The following AGBL4 variants were observed in gnomAD, a reference collection of about 807,000 sequenced individuals.
The protein encoded by AGBL4 is AGBL carboxypeptidase 4, also known as cytosolic carboxypeptidase 6.
In AGBL4, 58 loss-of-function variants were observed where a neutral mutation model predicts 66.4. The observed-to-expected ratio is 0.87, with a 90% CI of 0.71 to 1.09. The LOEUF (loss-of-function observed/expected upper bound fraction) is 1.09. Among genes scored for constraint, AGBL4 ranks in the 50% least tolerant of loss-of-function variants. The pLI is 0.00. For synonymous variants in AGBL4, 234 were observed against 222.9 expected, an observed-to-expected ratio of 1.05 and a Z score of -0.44; for missense variants, 579 against 631.0, an observed-to-expected ratio of 0.92 and a Z score of 0.88.
intron 3 of AGBL4, among the ~76,000 whole-genome samples, chr1:49,598,915 G>C (rs567913318): frequency 1.3e-5 from 2 of 152,238 alleles, no homozygotes; most frequent in East Asian, 3.9e-4. Flanking sequence ...ATTGATTTGC[G>C]TACGTTGAAC....
intron 4 of AGBL4, among the ~76,000 whole-genome samples, chr1:49,116,786 G>A (rs1645533466): frequency 6.6e-6 from 1 of 152,132 alleles, no homozygotes; most frequent in Non-Finnish European, 1.5e-5. Flanking sequence ...GATACTTGAG[G>A]GATCGGCACA....
chr1:49,497,917 A>T (rs1647757557), intron 3 of AGBL4, among the ~76,000 whole-genome samples: 1 of 152,000 alleles, frequency 6.6e-6, no homozygotes, highest in South Asian at 2.1e-4. Context: ...GTAAAATGTC[A>T]TTAGAATTTT....
At chr1:49,742,784 A>G (rs567650383) in intron 2 of AGBL4, among the ~76,000 whole-genome samples, 69 of 152,330 alleles carry the variant, frequency 4.5e-4, no homozygotes, top group African/African-American at 1.2e-3. Flanking sequence ...CAAACCTGAC[A>G]AAAACAAGAA....
intron 4 of AGBL4, among the ~76,000 whole-genome samples, chr1:49,219,424 TGA>T (rs1465918574): frequency 2.0e-5 from 3 of 152,154 alleles, no homozygotes; most frequent in Non-Finnish European, 4.4e-5. Context: ...AGAAAATATC[TGA>T]GTTTTGCCAC....
intron 1 of AGBL4, among the ~76,000 whole-genome samples, chr1:49,921,251 A>G (rs1652205925): frequency 6.6e-6 from 1 of 152,160 alleles, no homozygotes; most frequent in Non-Finnish European, 1.5e-5. Context: ...TTTAAAAAAA[A>G]GAAAAAAAAA....
intron 3 of AGBL4, among the ~76,000 whole-genome samples, chr1:49,552,057 A>G (rs987112204): frequency 6.6e-6 from 1 of 152,024 alleles, no homozygotes; most frequent in Non-Finnish European, 1.5e-5. Flanking sequence ...TGCCTCTGCT[A>G]AGTCATGCAG....
At chr1:49,655,739 C>G (rs1646113228) in intron 3 of AGBL4, among the ~76,000 whole-genome samples, 1 of 152,138 alleles carries the variant, frequency 6.6e-6, no homozygotes, top group Non-Finnish European at 1.5e-5. Flanking sequence ...TACAAAATCT[C>G]TTCAAAAAAT....
intron 2 of AGBL4, among the ~76,000 whole-genome samples, chr1:49,745,097 C>A (rs1389220025): frequency 6.6e-6 from 1 of 151,912 alleles, no homozygotes; most frequent in African/African-American, 2.4e-5. Flanking sequence ...ATTAAGCACT[C>A]CAATTAAAAG....
rs1644036968 is a variant in AGBL4 at position 48,539,881 on chromosome 1, T to C, written c.1268-143A>G. On this transcript the variant is annotated intron_variant, in intron 11 of 13. Transcript: ENST00000371839. ...TTTTTGTATGCGCTGTCTTTTTTGA[T>C]CCTTGAAAAACCTTAAATGGTAATC... 5 of 502,030 alleles carry C rather than the reference T, an allele frequency of 1.0e-5. No individual in the cohort carries two copies. The East Asian group carries it at 1.7e-4, about 17-fold the overall frequency. The allele number at this position is 502,030 out of a possible 1,614,324, so 31.1% of individuals were successfully genotyped here.
chr1:49,731,538 T>C (rs1476891081), intron 2 of AGBL4, among the ~76,000 whole-genome samples: 2 of 152,148 alleles, frequency 1.3e-5, no homozygotes, highest in Non-Finnish European at 2.9e-5. Context: ...TTTAAATACG[T>C]TAAATCTCAA....
chr1:49,661,694 A>G (rs1646272605), intron 3 of AGBL4, among the ~76,000 whole-genome samples: 1 of 152,128 alleles, frequency 6.6e-6, no homozygotes, highest in African/African-American at 2.4e-5. Context: ...AGACACGCAC[A>G]TCTATCAAGT....
At chr1:48,935,489 G>A (rs180994780) in intron 5 of AGBL4, among the ~76,000 whole-genome samples, 123 of 152,228 alleles carry the variant, frequency 8.1e-4, no homozygotes, top group African/African-American at 2.9e-3. Flanking sequence ...CTAGAGTTCA[G>A]TATTTGTTGC....
At chr1:49,619,620 T>G (rs1174052008) in intron 3 of AGBL4, among the ~76,000 whole-genome samples, 1 of 152,136 alleles carries the variant, frequency 6.6e-6, no homozygotes, top group African/African-American at 2.4e-5. Context: ...AGAATACTAC[T>G]TTAAATTACA....
chr1:49,296,510 A>T (rs1472092363), intron 3 of AGBL4, among the ~76,000 whole-genome samples: 3 of 152,216 alleles, frequency 2.0e-5, no homozygotes, highest in African/African-American at 7.2e-5. Context: ...TTTCTCTGTG[A>T]CTTCATTCCC....
intron 3 of AGBL4, among the ~76,000 whole-genome samples, chr1:49,689,736 A>G (rs1646851536): frequency 6.6e-6 from 1 of 152,052 alleles, no homozygotes; most frequent in South Asian, 2.1e-4. Context: ...TGTCCTCTTC[A>G]ATTTCTTTGA....
In AGBL4 at chr1:48,656,382, T is replaced by C. The variant is rs75554843; in HGVS notation, c.725-2931A>G. ...TTCATACAACTTTGACTGTGTGGGATTAGTTGAACTGATCATTGCTCATTC... is the reference window on the plus strand; with the variant it reads ...TTCATACAACTTTGACTGTGTGGGACTAGTTGAACTGATCATTGCTCATTC... On this transcript the variant is annotated intron_variant, in intron 7 of 13. Coordinates refer to ENST00000371839, the MANE Select transcript of AGBL4 (RefSeq NM_032785.4). 5.0e-3 allele frequency among the ~76,000 whole-genome samples: 758 copies of C among 152,336 alleles called. 7 individuals are homozygous for C. The highest frequency in any genetic ancestry group is 0.018 in the African/African-American group (735 of 41,572).
intron 3 of AGBL4, among the ~76,000 whole-genome samples, chr1:49,609,504 A>G (rs891085890): frequency 2.0e-5 from 3 of 152,170 alleles, no homozygotes; most frequent in African/African-American, 7.2e-5. Context: ...AAACAAGGTC[A>G]TTATGGTACA....
chr1:49,514,375 T>G (rs1344725307), intron 3 of AGBL4, among the ~76,000 whole-genome samples: 2 of 151,776 alleles, frequency 1.3e-5, no homozygotes, highest in African/African-American at 2.4e-5. Flanking sequence ...CACTGCTCAA[T>G]GAAATAAAAG....
intron 2 of AGBL4, among the ~76,000 whole-genome samples, chr1:49,836,879 A>G (rs943729461): frequency 3.3e-5 from 5 of 152,094 alleles, no homozygotes; most frequent in African/African-American, 1.2e-4. Context: ...TCCATTCCAG[A>G]CCCATTTGCC....
Sources: gnomAD v4.1 joint callset for allele counts (sites outside exome capture counted in the v4.1 genomes callset) on GRCh38, gnomAD v4.1.1 for gene constraint, MANE v1.5 for transcripts, NCBI Gene and HGNC (gene_info 2026-07-23, HGNC 2026-07-21) for gene names.